The following TUSC3 variants were observed in gnomAD, a reference collection of about 807,000 sequenced individuals.
TUSC3 encodes tumor suppressor candidate 3.
Under a neutral mutation model 44.8 loss-of-function variants are expected in TUSC3, and 45 were observed. The ratio of observed to expected loss-of-function variants is 1.00; its 90% CI spans 0.79 to 1.29. The LOEUF (loss-of-function observed/expected upper bound fraction) is 1.29. TUSC3 is among the 50% of genes most tolerant of loss of function. The probability of loss-of-function intolerance (pLI) is 0.00; values close to 1 mark genes in which losing one functional copy is unlikely to be tolerated. For missense variants in TUSC3, 519 were observed against 437.9 expected, an observed-to-expected ratio of 1.19 and a Z score of -1.65; for synonymous variants, 212 against 152.9, an observed-to-expected ratio of 1.39 and a Z score of -2.85.
intron 2 of TUSC3, among the ~76,000 whole-genome samples, chr8:15,640,439 T>C (rs1284700386): frequency 1.3e-5 from 2 of 152,224 alleles, no homozygotes; most frequent in Non-Finnish European, 2.9e-5. Context: ...TCTTAGTGAA[T>C]CACCAAACGT....
chr8:15,567,837 C>G (rs2129142218), intron 1 of TUSC3, among the ~76,000 whole-genome samples: 1 of 152,184 alleles, frequency 6.6e-6, no homozygotes, highest in South Asian at 2.1e-4. Context: ...GTGGCATATG[C>G]CGAACTAAAA....
At chr8:15,739,724 A>T (rs1353926137) in intron 7 of TUSC3, among the ~76,000 whole-genome samples, 1 of 152,200 alleles carries the variant, frequency 6.6e-6, no homozygotes, top group African/African-American at 2.4e-5. Flanking sequence ...GAAGATTTTT[A>T]TTCTTAGCCT....
intron 6 of TUSC3, among the ~76,000 whole-genome samples, chr8:15,719,692 T>G (rs1357711115): frequency 1.3e-5 from 2 of 152,078 alleles, no homozygotes; most frequent in East Asian, 3.8e-4. Context: ...CACTGAAGGC[T>G]TATGTCACAC....
At chr8:15,828,341 T>C in the TUSC3 span, among the ~76,000 whole-genome samples, 1 of 152,240 alleles carries the variant, frequency 6.6e-6, no homozygotes, top group Non-Finnish European at 1.5e-5. Flanking sequence ...TTTATAAACC[T>C]AGTTTTATAT....
intron 1 of TUSC3, among the ~76,000 whole-genome samples, chr8:15,611,579 C>T (rs146287888): frequency 2.0e-5 from 3 of 152,290 alleles, no homozygotes; most frequent in Admixed American, 2.0e-4. Context: ...GAGTTCTTAA[C>T]TGATTAACCT....
upstream of TUSC3, among the ~76,000 whole-genome samples, chr8:15,538,546 A>C (rs1042713821): frequency 6.6e-6 from 1 of 152,204 alleles, no homozygotes; most frequent in African/African-American, 2.4e-5. Flanking sequence ...TCTTTATCTG[A>C]AAATCGTTAA....
intron 2 of TUSC3, among the ~76,000 whole-genome samples, chr8:15,641,738 A>C (rs1441869340): frequency 6.6e-6 from 1 of 152,246 alleles, no homozygotes; most frequent in Non-Finnish European, 1.5e-5. Context: ...CCACAAGTAC[A>C]GATTTTCAAA....
At chr8:15,547,776 A>G (rs1028553564) in intron 1 of TUSC3, among the ~76,000 whole-genome samples, 1 of 151,338 alleles carries the variant, frequency 6.6e-6, no homozygotes, top group African/African-American at 2.4e-5. Flanking sequence ...CGTTCTCCCA[A>G]GTGAGGAAGT....
chr8:15,648,945 C>A (rs1669549775), intron 2 of TUSC3, among the ~76,000 whole-genome samples: 1 of 151,816 alleles, frequency 6.6e-6, no homozygotes, highest in African/African-American at 2.4e-5. Context: ...CTAATAAAGT[C>A]CCTTTTCTCT....
Position 15,479,529 on chromosome 8 carries a change from A to G in TUSC3, n.92-3857A>G, listed in dbSNP as rs535540300. Reference sequence around the variant, plus strand: ...CTAGCCAGTTTTCACAGCACCATATATTAGTTAAGGAATCCTTTTCCCGTT... The same window carrying G: ...CTAGCCAGTTTTCACAGCACCATATGTTAGTTAAGGAATCCTTTTCCCGTT... On this transcript the variant is annotated intron_variant and non_coding_transcript_variant, in intron 1 of 5. Transcript: ENST00000503191. 6.6e-5 allele frequency among the ~76,000 whole-genome samples: 10 copies of G among 152,252 alleles called. No homozygotes were observed. The East Asian group carries it at 1.7e-3, about 27-fold the overall frequency.
At chr8:15,462,671 T>G (rs1264125957) in intron 1 of TUSC3, among the ~76,000 whole-genome samples, 9 of 152,274 alleles carry the variant, frequency 5.9e-5, no homozygotes, top group Non-Finnish European at 1.2e-4. Context: ...TCGCAGGCAT[T>G]TAATTCTTAA....
chr8:15,790,391 G>A, the TUSC3 span, among the ~76,000 whole-genome samples: 1 of 151,838 alleles, frequency 6.6e-6, no homozygotes, highest in Non-Finnish European at 1.5e-5. Flanking sequence ...CACCATGTTG[G>A]CCGGGATGGT....
intron 1 of TUSC3, among the ~76,000 whole-genome samples, chr8:15,617,541 C>T (rs928866785): frequency 2.6e-5 from 4 of 152,076 alleles, no homozygotes; most frequent in African/African-American, 9.7e-5. Flanking sequence ...TTTGTGAGTT[C>T]TTCTCTGACA....
chr8:15,553,799 A>G (rs1802137754), intron 1 of TUSC3, among the ~76,000 whole-genome samples: 1 of 151,746 alleles, frequency 6.6e-6, no homozygotes, highest in South Asian at 2.1e-4. Context: ...AAAATAAAGA[A>G]TGTTATGTCA....
intron 2 of TUSC3, among the ~76,000 whole-genome samples, chr8:15,504,603 ATATATATATATATATATATTTT>A (rs1333222169): frequency 1.5e-3 from 58 of 38,498 alleles, no homozygotes; most frequent in African/African-American, 7.0e-3. Context: ...ATATATATAT[ATATATATATATATATATATTTT>A]TTTTTTTTTT....
chr8:15,538,441 T>C (rs1001053224), upstream of TUSC3, among the ~76,000 whole-genome samples: 2 of 151,944 alleles, frequency 1.3e-5, no homozygotes, highest in African/African-American at 4.9e-5. Flanking sequence ...AGAAAAGTGA[T>C]ATATATTTGT....
intron 2 of TUSC3, among the ~76,000 whole-genome samples, chr8:15,512,779 C>CCAGT (rs1554508660): frequency 9.6e-5 from 14 of 146,294 alleles, no homozygotes; most frequent in African/African-American, 3.6e-4. Flanking sequence ...TTTCAGTCAA[C>CCAGT]CAATCAATCA....
At chr8:15,821,746 G>A in the TUSC3 span, among the ~76,000 whole-genome samples, 1 of 151,740 alleles carries the variant, frequency 6.6e-6, no homozygotes, top group Non-Finnish European at 1.5e-5. Context: ...GCCTTAGAGA[G>A]CCCACAGATA....
intron 2 of TUSC3, among the ~76,000 whole-genome samples, chr8:15,494,552 C>T (rs1198338522): frequency 6.6e-6 from 1 of 152,234 alleles, no homozygotes; most frequent in East Asian, 1.9e-4. Flanking sequence ...CTCTTGACGT[C>T]GTGATCTGCA....
Sources: gnomAD v4.1 joint callset for allele counts (sites outside exome capture counted in the v4.1 genomes callset) on GRCh38, gnomAD v4.1.1 for gene constraint, MANE v1.5 for transcripts, NCBI Gene and HGNC (gene_info 2026-07-23, HGNC 2026-07-21) for gene names.